Variants in CALN1 observed in about 807,000 individuals in gnomAD.
CALN1 encodes the protein calcium-binding protein 8.
Under a neutral mutation model 30.6 loss-of-function variants are expected in CALN1, and 17 were observed. The observed-to-expected ratio is 0.56, with a 90% CI of 0.38 to 0.83. CALN1 has a LOEUF of 0.83. CALN1 is among the 40% of genes least tolerant of loss of function. CALN1 has a pLI of 0.00. For missense variants in CALN1, 291 were observed against 354.9 expected (o/e 0.82, Z 1.45); for synonymous variants, 156 against 131.4 (o/e 1.19, Z -1.28).
intron 3 of CALN1, among the ~76,000 whole-genome samples, chr7:72,129,706 G>GC (rs1217638213): frequency 6.6e-6 from 1 of 152,096 alleles, no homozygotes; most frequent in Non-Finnish European, 1.5e-5. Flanking sequence ...CTTAGTGATG[G>GC]CCCCCTTAGC....
At chr7:72,171,666 G>GA (rs1209519354) in intron 3 of CALN1, among the ~76,000 whole-genome samples, 3 of 151,942 alleles carry the variant, frequency 2.0e-5, no homozygotes, top group Non-Finnish European at 4.4e-5. Context: ...GGAGAGGGGA[G>GA]AAAAAAAGAG....
intron 5 of CALN1, among the ~76,000 whole-genome samples, chr7:71,980,156 C>T (rs895277867): frequency 1.4e-5 from 2 of 145,634 alleles, no homozygotes; most frequent in African/African-American, 2.6e-5. Context: ...GGATTACGGG[C>T]GTGAGCCACC....
In CALN1 at chr7:72,387,723, G is replaced by A. The variant is rs79898498; in HGVS notation, c.119+15528C>T. Among the ~76,000 whole-genome samples the A allele has an allele frequency of 8.7e-4, 133 of 152,258 alleles. 1 individual carries two copies. Among genetic ancestry groups the A allele is most frequent in the Admixed American group, 5.8e-3 (89 of 15,284 alleles). Reference sequence around the variant, plus strand: ...GGATCATCGAAAATAAGAAAAGTCTGAGAAACTGTCACAGCCAAGGGGAAC... The same window carrying A: ...GGATCATCGAAAATAAGAAAAGTCTAAGAAACTGTCACAGCCAAGGGGAAC... On this transcript the variant is annotated intron_variant, in intron 2 of 6. Transcript: ENST00000395275.
rs1325609994 is a variant in CALN1, at chr7:71,857,291, T to C, written c.502-46799A>G. On this transcript the variant is annotated intron_variant, in intron 5 of 6. Transcript: ENST00000395275. The stretch of plus-strand genomic sequence containing the variant: ...TTACATGGCTATTAAATATTAGATT[T>C]TTGAAGAAAGCTTCATTCTGCATCT... Among the ~76,000 whole-genome samples the C allele has an allele frequency of 2.6e-5, 4 of 152,170 alleles. No individual in the cohort carries two copies. In the East Asian group the frequency reaches 7.7e-4, roughly 29 times the overall value.
intron 5 of CALN1, among the ~76,000 whole-genome samples, chr7:71,949,912 C>A (rs899878561): frequency 6.6e-6 from 1 of 151,936 alleles, no homozygotes; most frequent in African/African-American, 2.4e-5. Flanking sequence ...CAGGCGCCTG[C>A]CACTACGCCT....
chr7:72,391,418 A>T (rs1041443697), intron 2 of CALN1, among the ~76,000 whole-genome samples: 4 of 152,192 alleles, frequency 2.6e-5, no homozygotes, highest in African/African-American at 9.7e-5. Context: ...CCAGCAAGAC[A>T]CCAGAAGATC....
intron 2 of CALN1, among the ~76,000 whole-genome samples, chr7:72,367,337 T>C (rs1434222630): frequency 1.3e-5 from 2 of 151,862 alleles, no homozygotes; most frequent in Non-Finnish European, 2.9e-5. Context: ...AATAAAAAAT[T>C]AGCTGGGAGT....
chr7:71,897,123 A>G lies in CALN1; in HGVS notation c.502-86631T>C, dbSNP rs555562878. On this transcript the variant is annotated intron_variant, in intron 5 of 6. Transcript: ENST00000395275. Reference sequence around the variant, plus strand: ...CCTGGAAATGTGTTCATCCACCAACACAAGAGAAAGCTTTATGGACCTACA... The same window carrying G: ...CCTGGAAATGTGTTCATCCACCAACGCAAGAGAAAGCTTTATGGACCTACA... Among the ~76,000 whole-genome samples, 20 of 152,274 alleles carry G rather than the reference A, an allele frequency of 1.3e-4. No homozygotes were observed. In the South Asian group the frequency reaches 4.1e-3, roughly 32 times the overall value.
At chr7:72,398,110 G>A (rs1415302251) in intron 2 of CALN1, among the ~76,000 whole-genome samples, 3 of 152,152 alleles carry the variant, frequency 2.0e-5, no homozygotes, top group East Asian at 1.9e-4. Context: ...AGAGAGGCAA[G>A]AAGAGGAGAA....
chr7:72,325,768 G>T (rs1050348778), intron 2 of CALN1, among the ~76,000 whole-genome samples: 1 of 152,140 alleles, frequency 6.6e-6, no homozygotes, highest in Admixed American at 6.5e-5. Context: ...ATCTATTGGT[G>T]ACCTGCTCCC....
intron 2 of CALN1, among the ~76,000 whole-genome samples, chr7:72,294,142 A>G (rs1798683617): frequency 6.6e-6 from 1 of 152,284 alleles, no homozygotes; most frequent in East Asian, 1.9e-4. Context: ...ATGGCTTCTG[A>G]AGATTCCTCC....
chr7:71,863,691 G>C (rs1352540709), intron 5 of CALN1, among the ~76,000 whole-genome samples: 1 of 151,996 alleles, frequency 6.6e-6, no homozygotes, highest in Non-Finnish European at 1.5e-5. Flanking sequence ...CTCCACGCAG[G>C]AGTCTGTCTA....
intron 2 of CALN1, among the ~76,000 whole-genome samples, chr7:72,290,181 C>T (rs984005969): frequency 1.4e-5 from 2 of 142,830 alleles, no homozygotes; most frequent in African/African-American, 5.2e-5. Flanking sequence ...AGTGGGCTCT[C>T]ACAAGCCAGT....
intron 2 of CALN1, among the ~76,000 whole-genome samples, chr7:72,306,270 T>A (rs6460713): frequency 0.016 from 2,453 of 152,334 alleles, 32 homozygotes; most frequent in African/African-American, 0.032. Flanking sequence ...TCTATTCACA[T>A]AGCTAGATCT....
At chr7:72,403,177 TG>T in intron 2 of CALN1, 73 bp downstream of exon 2, 1 of 1,199,486 alleles carries the variant, frequency 8.3e-7, no homozygotes, top group Non-Finnish European at 1.2e-6. Context: ...CAAAGCCTCC[TG>T]GACCCCGCGC....
At chr7:72,206,133 G>A (rs1458239411) in intron 3 of CALN1, among the ~76,000 whole-genome samples, 1 of 152,006 alleles carries the variant, frequency 6.6e-6, no homozygotes, top group Non-Finnish European at 1.5e-5. Context: ...TAACGTAATG[G>A]GCTCTTCACA....
At chr7:72,337,348 C>T in intron 2 of CALN1, 5 of 944,850 alleles carry the variant, frequency 5.3e-6, no homozygotes, top group Non-Finnish European at 6.3e-6. Flanking sequence ...ACCTCCGCCT[C>T]TCCAATGGCT....
At chr7:72,197,551 C>T (rs1791119897) in intron 3 of CALN1, among the ~76,000 whole-genome samples, 1 of 152,054 alleles carries the variant, frequency 6.6e-6, no homozygotes, top group Non-Finnish European at 1.5e-5. Flanking sequence ...TGTGGCCTGG[C>T]TGGACATAGT....
chr7:71,924,211 A>T (rs1795135960), intron 5 of CALN1, among the ~76,000 whole-genome samples: 1 of 148,760 alleles, frequency 6.7e-6, no homozygotes, highest in Non-Finnish European at 1.5e-5. Context: ...AAAAAAAAAA[A>T]AAAGATTAGG....
Sources: allele counts gnomAD v4.1 joint callset (sites outside exome capture counted in the v4.1 genomes callset), GRCh38; gene constraint gnomAD v4.1.1; transcripts MANE v1.5; gene names NCBI Gene and HGNC (gene_info 2026-07-23, HGNC 2026-07-21).